UGT1A8: variants seen among roughly 807,000 people sequenced by gnomAD.
UGT1A8 encodes the protein UDP-glucuronosyltransferase 1A8.
A neutral mutation model predicts 45.3 loss-of-function variants in UGT1A8; 39 were observed. That is an observed-to-expected ratio of 0.86 (90% CI 0.67 to 1.12). The LOEUF (loss-of-function observed/expected upper bound fraction) is 1.12, where lower values mean the gene tolerates loss of function less well. Among genes scored for constraint, UGT1A8 ranks in the 50% most tolerant of loss-of-function variants. The probability of loss-of-function intolerance (pLI) is 0.00; values close to 1 mark genes in which losing one functional copy is unlikely to be tolerated. For missense variants in UGT1A8, 719 were observed against 664.9 expected (o/e 1.08, Z -0.90); for synonymous variants, 275 against 249.2 (o/e 1.10, Z -0.97).
At chr2:233,724,308 C>A (rs2077215136) in intron 1 of UGT1A8, among the ~76,000 whole-genome samples, 1 of 148,194 alleles carries the variant, frequency 6.7e-6, no homozygotes, top group African/African-American at 2.5e-5. Context: ...CACCTCCCTC[C>A]CGGACGGGGC....
intron 1 of UGT1A8, among the ~76,000 whole-genome samples, chr2:233,622,815 G>T (rs1420579348): frequency 1.3e-5 from 2 of 152,144 alleles, no homozygotes; most frequent in Non-Finnish European, 2.9e-5. Flanking sequence ...CCTATGTCCT[G>T]AATGGTATTG....
At chr2:233,664,579 G>A (rs1043806609) in intron 1 of UGT1A8, among the ~76,000 whole-genome samples, 4 of 152,188 alleles carry the variant, frequency 2.6e-5, no homozygotes, top group African/African-American at 9.7e-5. Flanking sequence ...GATGAAGCAG[G>A]AGCATGTCAC....
chr2:233,658,502 C>T (rs2073902039), intron 1 of UGT1A8, among the ~76,000 whole-genome samples: 1 of 152,198 alleles, frequency 6.6e-6, no homozygotes, highest in South Asian at 2.1e-4. Context: ...ATCACGCCCC[C>T]TTCATCTCCT....
rs1387531688 is a variant in UGT1A8 at position 233,769,376 on chromosome 2, C to T, written c.1295+937C>T. On this transcript the variant is annotated intron_variant, in intron 4 of 4. Transcript: ENST00000373450. The surrounding 1 kb of genome is among the most constrained non-coding windows in gnomAD (Gnocchi z 4.4). ...AGTGGTGGCCAGTGGTAGATTTCAT[C>T]CGACAATAGATACTGTGTGCATATG... Among the ~76,000 whole-genome samples the T allele has an allele frequency of 6.6e-6, 1 of 152,162 alleles. No homozygotes were observed. The highest frequency in any genetic ancestry group is 1.5e-5 in the Non-Finnish European group (1 of 68,030).
intron 1 of UGT1A8, among the ~76,000 whole-genome samples, chr2:233,707,965 A>G (rs1249490903): frequency 6.6e-6 from 1 of 152,186 alleles, no homozygotes; most frequent in Non-Finnish European, 1.5e-5. Flanking sequence ...TGCCCATTCA[A>G]GTCTATTGCC....
chr2:233,680,505 C>A (rs1043496833), intron 1 of UGT1A8, among the ~76,000 whole-genome samples: 1 of 152,136 alleles, frequency 6.6e-6, no homozygotes, highest in Non-Finnish European at 1.5e-5. Context: ...TGTGCTTCTA[C>A]AAGAATTATG....
intron 1 of UGT1A8, among the ~76,000 whole-genome samples, chr2:233,705,148 AAGAGAG>A (rs939982250): frequency 6.6e-6 from 1 of 150,886 alleles, no homozygotes; most frequent in Non-Finnish European, 1.5e-5. Flanking sequence ...AAAAAAAAAA[AAGAGAG>A]AGAGAGAGAG....
intron 1 of UGT1A8, among the ~76,000 whole-genome samples, chr2:233,641,425 C>G (rs1284102546): frequency 1.3e-5 from 2 of 152,164 alleles, no homozygotes; most frequent in African/African-American, 4.8e-5. Context: ...TACTTTTTAA[C>G]TCTTTGTGAT....
Position 233,676,058 on chromosome 2 carries a change from A to G in UGT1A8, c.855+57496A>G, listed in dbSNP as rs567470117. Among the ~76,000 whole-genome samples the G allele has an allele frequency of 5.9e-5, 9 of 152,344 alleles. No individual in the cohort carries two copies. In the East Asian group the frequency reaches 1.7e-3, roughly 29 times the overall value. The stretch of plus-strand genomic sequence containing the variant: ...ATCCTTGGCCAATTGACTAGGTGCC[A>G]AAGTTTGACAAGTGTGTCAAGATCA... On this transcript the variant is annotated intron_variant, in intron 1 of 4. Coordinates refer to ENST00000373450, the MANE Select transcript of UGT1A8 (RefSeq NM_019076.5).
At chr2:233,647,059 A>G (rs2073624392) in intron 1 of UGT1A8, among the ~76,000 whole-genome samples, 1 of 152,208 alleles carries the variant, frequency 6.6e-6, no homozygotes, top group African/African-American at 2.4e-5. Context: ...TCCTCCATGG[A>G]TGGCAGCAGG....
intron 1 of UGT1A8, among the ~76,000 whole-genome samples, chr2:233,658,106 C>T (rs538052833): frequency 2.0e-5 from 3 of 151,590 alleles, no homozygotes; most frequent in East Asian, 3.9e-4. Flanking sequence ...GCAACCTCTG[C>T]CTCCTGGGTT....
chr2:233,743,081 G>C, intron 1 of UGT1A8: 1 of 347,046 alleles, frequency 2.9e-6, no homozygotes, highest in Non-Finnish European at 5.6e-6. Context: ...GGCATGAAGT[G>C]TTTATAAATT....
rs190865559 is a variant in UGT1A8 at position 233,744,424 on chromosome 2, A to G, written c.856-22610A>G. 3.3e-5 allele frequency among the ~76,000 whole-genome samples: 5 copies of G among 151,988 alleles called. No individual in the cohort carries two copies. The East Asian group carries it at 9.6e-4, about 29-fold the overall frequency. On this transcript the variant is annotated intron_variant, in intron 1 of 4. Coordinates refer to ENST00000373450, the MANE Select transcript of UGT1A8 (RefSeq NM_019076.5). ...CCATTTGCTTTTGTTCATGTGGATT[A>G]TATCTATCATACGTACTGCATTAGA...
At chr2:233,695,130 C>CTTTCTTTCT (rs1364557158) in intron 1 of UGT1A8, among the ~76,000 whole-genome samples, 43 of 138,840 alleles carry the variant, frequency 3.1e-4, no homozygotes, top group South Asian at 9.1e-4. Flanking sequence ...CTTTTCTTTT[C>CTTTCTTTCT]TTTTTTTTTT....
intron 1 of UGT1A8, among the ~76,000 whole-genome samples, chr2:233,669,525 ATC>A (rs1474103047): frequency 2.6e-5 from 4 of 152,148 alleles, no homozygotes; most frequent in African/African-American, 9.7e-5. Context: ...TGTCAGATTT[ATC>A]TGTTAGTATT....
intron 1 of UGT1A8, among the ~76,000 whole-genome samples, chr2:233,680,212 A>T (rs945771439): frequency 2.2e-4 from 33 of 152,154 alleles, no homozygotes; most frequent in Non-Finnish European, 1.5e-5. Context: ...TGCACTTTAT[A>T]GTCCCATGGT....
intron 1 of UGT1A8, among the ~76,000 whole-genome samples, chr2:233,741,256 C>T (rs1347287188): frequency 6.6e-6 from 1 of 151,868 alleles, no homozygotes; most frequent in Non-Finnish European, 1.5e-5. Context: ...GTATGCCACT[C>T]TTTGCTGACC....
At chr2:233,635,381 T>C (rs2073264374) in intron 1 of UGT1A8, among the ~76,000 whole-genome samples, 5 of 150,830 alleles carry the variant, frequency 3.3e-5, no homozygotes. Context: ...TCCTGAATAA[T>C]ATCCTGAAGA....
chr2:233,769,914 G>A lies in UGT1A8; in HGVS notation c.1295+1475G>A, dbSNP rs530436161. ...AACCTGAGCATCATGTGCCCAGAGCGTTGGGTGGTGTGGTCCCATTCCTTC... is the reference window on the plus strand; with the variant it reads ...AACCTGAGCATCATGTGCCCAGAGCATTGGGTGGTGTGGTCCCATTCCTTC... On this transcript the variant is annotated intron_variant, in intron 4 of 4. Coordinates refer to ENST00000373450, the MANE Select transcript of UGT1A8 (RefSeq NM_019076.5). The surrounding 1 kb of genome is among the most constrained non-coding windows in gnomAD (Gnocchi z 4.4). The A allele has an allele frequency of 6.5e-5, 19 of 292,140 alleles. No homozygotes were observed. The highest frequency in any genetic ancestry group is 1.0e-3 in the Middle Eastern group (1 of 988). 18.1% of individuals were successfully genotyped at this position (292,140 alleles called of 1,614,324 possible).
Sources: gnomAD v4.1 joint callset for allele counts (sites outside exome capture counted in the v4.1 genomes callset) on GRCh38, gnomAD v4.1.1 for gene constraint, Gnocchi (gnomAD v3.1) non-coding constraint, MANE v1.5 for transcripts, NCBI Gene and HGNC (gene_info 2026-07-23, HGNC 2026-07-21) for gene names.